The following ANP32E variants were observed in gnomAD, a reference collection of about 807,000 sequenced individuals.
ANP32E encodes acidic leucine-rich nuclear phosphoprotein 32 family member E.
A neutral mutation model predicts 35.3 loss-of-function variants in ANP32E; 14 were observed. That is an observed-to-expected ratio of 0.40 (90% CI 0.26 to 0.62). The LOEUF (loss-of-function observed/expected upper bound fraction) is 0.62. Ranked by LOEUF, ANP32E falls within the 20% of genes least tolerant of loss-of-function variation. The pLI, the probability that ANP32E is intolerant of heterozygous loss-of-function variation, is 0.45. For missense variants in ANP32E, 198 were observed against 304.4 expected (o/e 0.65, Z 2.60); for synonymous variants, 89 against 110.4 (o/e 0.81, Z 1.22).
chr1:150,226,488 G>A, intron 5 of ANP32E, 120 bp downstream of exon 5: 1 of 1,153,714 alleles, frequency 8.7e-7, no homozygotes, highest in Middle Eastern at 2.9e-4. Context: ...CAGGTGGATA[G>A]ACATATGCAC....
At chr1:150,221,861 G>A (rs188934781) in intron 6 of ANP32E, among the ~76,000 whole-genome samples, 217 of 152,174 alleles carry the variant, frequency 1.4e-3, no homozygotes, top group African/African-American at 4.8e-3. Context: ...CTTTGCCAAG[G>A]CAAGAGGATC....
chr1:150,221,479 GA>G (rs1553837865), intron 6 of ANP32E, among the ~76,000 whole-genome samples: 6 of 130,170 alleles, frequency 4.6e-5, no homozygotes, highest in African/African-American at 1.8e-4. Flanking sequence ...AAGAGAGGAA[GA>G]GAGGAAGGAA....
At chr1:150,222,931 C>A (rs971005086) in intron 6 of ANP32E, among the ~76,000 whole-genome samples, 2 of 151,842 alleles carry the variant, frequency 1.3e-5, no homozygotes, top group African/African-American at 4.8e-5. Context: ...TTCCATTCAT[C>A]TCTTCATTTG....
rs782404279 is a variant in ANP32E, at chr1:150,229,164, C to T, written c.401G>A (p.Ser134Asn). 7 of 1,613,018 alleles carry T rather than the reference C, an allele frequency of 4.3e-6. No individual in the cohort carries two copies. The highest frequency in any genetic ancestry group is 2.2e-5 in the South Asian group (2 of 91,048). ...EITNLEDYRESIFELLQQITY... is the reference protein window; with the variant it reads ...EITNLEDYRENIFELLQQITY... ...GATTTGCTGCAGTAGTTCAAAAATA[C>T]TTTCTCTATAATCTTCCAGGTTTGT... is the stretch of plus-strand genomic sequence containing the variant. The change falls in exon 4 of 7, where the codon AGT becomes AAT. Residue 134 changes from serine to asparagine, a missense_variant. Ser to Asn is a conservative substitution (Grantham distance 46). Around this residue, in one of 4 missense-constraint regions of ANP32E, gnomAD observed 31 missense variants for 62.6 expected, o/e 0.50. Transcript: ENST00000583931.
chr1:150,234,477 C>T, intron 1 of ANP32E: 1 of 595,674 alleles, frequency 1.7e-6, no homozygotes, highest in Non-Finnish European at 2.1e-6. Flanking sequence ...GACGCGAAAG[C>T]CCAGACAGAC....
chr1:150,224,446 C>T (rs1409662755), intron 5 of ANP32E, among the ~76,000 whole-genome samples: 2 of 151,944 alleles, frequency 1.3e-5, no homozygotes, highest in South Asian at 2.1e-4. Context: ...TGGTGGTGGG[C>T]ACCTGTAATC....
chr1:150,229,299 T>TTTTC lies in ANP32E; in HGVS notation c.328-63_328-62insGAAA. ...AAAATACCATGTTATTTCTTTTTTC[T>TTTTC]TTTTTTTTTTTTTTTTTTGAGACGG... On this transcript the variant is annotated intron_variant, in intron 3 of 6. Transcript: ENST00000583931. The TTTTC allele has an allele frequency of 1.6e-5, 7 of 437,198 alleles. No individual in the cohort carries two copies. The East Asian group carries it at 2.8e-4, about 18-fold the overall frequency. The allele number at this position is 437,198 out of a possible 1,614,324, so 27.1% of individuals were successfully genotyped here.
chr1:150,228,982 TCA>T, intron 4 of ANP32E, 88 bp downstream of exon 4: 1 of 1,190,024 alleles, frequency 8.4e-7, no homozygotes, highest in Non-Finnish European at 1.2e-6. Context: ...ATTTTTTTTT[TCA>T]CACCTAAATT....
rs1649644273 is a variant in ANP32E at position 150,234,752 on chromosome 1, C to T, written c.54+981G>A. 3 of 857,718 alleles carry T rather than the reference C, an allele frequency of 3.5e-6. No homozygotes were observed. In the South Asian group the frequency reaches 1.6e-4, roughly 46 times the overall value. 53.1% of individuals were successfully genotyped at this position (857,718 alleles called of 1,614,324 possible). A position where few individuals can be genotyped will look rare whatever the true frequency, so the allele number is the denominator to read the frequency against. On this transcript the variant is annotated intron_variant, in intron 1 of 6. Transcript: ENST00000583931. ...CTCCCAACCCGCGTTGTCCTCGCGC[C>T]TTCGCCCTGGGTAGGTGAGGCCGAG...
chr1:150,218,517 T>TAA lies in ANP32E; in HGVS notation c.*2172_*2173dup, dbSNP rs1648098277. 6.6e-6 allele frequency: 1 copy of TAA among 152,586 alleles called. No individual in the cohort carries two copies. The highest frequency in any genetic ancestry group is 2.1e-4 in the South Asian group (1 of 4,830). 9.5% of individuals were successfully genotyped at this position (152,586 alleles called of 1,614,324 possible). On this transcript the variant is annotated 3_prime_UTR_variant, in exon 7 of 7. Coordinates refer to ENST00000583931, the MANE Select transcript of ANP32E (RefSeq NM_030920.5). ...AAAAACAGGGAACAGTCAAAAACAA[T>TAA]AAAAGAATAATCAGGAGTACTGCAA...
intron 3 of ANP32E, among the ~76,000 whole-genome samples, chr1:150,229,913 C>T (rs1473843386): frequency 6.6e-6 from 1 of 152,242 alleles, no homozygotes; most frequent in Non-Finnish European, 1.5e-5. Flanking sequence ...TGCCCGACCA[C>T]ATCATTTCTT....
chr1:150,222,869 C>T (rs991037937), intron 6 of ANP32E, among the ~76,000 whole-genome samples: 8 of 152,000 alleles, frequency 5.3e-5, no homozygotes, highest in African/African-American at 1.9e-4. Context: ...TAAGATAAGG[C>T]TTCACTCTGT....
At chr1:150,222,187 G>A (rs1183322387) in intron 6 of ANP32E, among the ~76,000 whole-genome samples, 2 of 152,052 alleles carry the variant, frequency 1.3e-5, no homozygotes, top group Non-Finnish European at 2.9e-5. Context: ...TTGGGAGGCT[G>A]AGGCAGGCGG....
chr1:150,228,972 A>AT (rs148013046), intron 4 of ANP32E, 100 bp downstream of exon 4: 104,469 of 979,778 alleles, frequency 0.11, 3,332 homozygotes, highest in Non-Finnish European at 0.13. Flanking sequence ...CTTGTTGTGG[A>AT]TTTTTTTTTT....
chr1:150,228,955 C>T (rs1437659753), intron 4 of ANP32E, 117 bp downstream of exon 4: 2 of 848,508 alleles, frequency 2.4e-6, no homozygotes, highest in African/African-American at 1.8e-5. Context: ...TCTTGTCTTA[C>T]TAATATCTTG....
intron 4 of ANP32E, 148 bp from the exon 5 acceptor site, chr1:150,226,943 T>C: frequency 8.6e-7 from 1 of 1,163,902 alleles, no homozygotes; most frequent in Middle Eastern, 2.5e-4. Flanking sequence ...TTTTTTAAGA[T>C]TTCTGTTTCA....
chr1:150,226,032 G>A (rs1169626496), intron 5 of ANP32E, among the ~76,000 whole-genome samples: 3 of 140,892 alleles, frequency 2.1e-5, no homozygotes, highest in African/African-American at 7.9e-5. Flanking sequence ...TTGAGACAGA[G>A]TCTTGCTCCG....
intron 5 of ANP32E, among the ~76,000 whole-genome samples, chr1:150,224,225 A>G (rs1259604849): frequency 2.0e-5 from 3 of 152,200 alleles, no homozygotes; most frequent in Admixed American, 2.0e-4. Flanking sequence ...AGGAGAGACA[A>G]GAAAAAAAGG....
chr1:150,230,903 C>T (rs1200461770), intron 2 of ANP32E, among the ~76,000 whole-genome samples: 1 of 152,094 alleles, frequency 6.6e-6, no homozygotes, highest in Non-Finnish European at 1.5e-5. Context: ...CCACCACACC[C>T]AGCTAACTTT....
Sources: gnomAD v4.1 joint callset for allele counts (sites outside exome capture counted in the v4.1 genomes callset) on GRCh38, gnomAD v4.1.1 for gene constraint, gnomAD v4.1.1 regional missense constraint, MANE v1.5 for transcripts, NCBI Gene and HGNC (gene_info 2026-07-23, HGNC 2026-07-21) for gene names.